Variants in DENND1A observed in about 807,000 individuals in gnomAD.
The protein encoded by DENND1A is DENN domain-containing protein 1A.
A neutral mutation model predicts 113.7 loss-of-function variants in DENND1A; 51 were observed. The observed-to-expected ratio is 0.45, with a 90% confidence interval of 0.36 to 0.57. The LOEUF (loss-of-function observed/expected upper bound fraction) is 0.57, where lower values mean the gene tolerates loss of function less well. DENND1A is among the 20% of genes least tolerant of loss of function. The pLI is 0.00. For missense variants in DENND1A, 1,258 were observed against 1,395.9 expected, an observed-to-expected ratio of 0.90 and a Z score of 1.57; for synonymous variants, 565 against 570.8, an observed-to-expected ratio of 0.99 and a Z score of 0.14.
chr9:123,581,299 T>A (rs1338337501), intron 12 of DENND1A, among the ~76,000 whole-genome samples: 1 of 152,048 alleles, frequency 6.6e-6, no homozygotes, highest in Middle Eastern at 3.2e-3. Context: ...CACAAATGAC[T>A]CCCCCAAAAT....
chr9:123,382,599 C>A lies in DENND1A; in HGVS notation c.2046G>T (p.Arg682Ser). ...YQRLDLGGSE[R>S]SRGVTVALKL... Reference sequence around the variant, plus strand: ...TCAAGGCCACTGTCACCCCGCGGCTCCTCTCACTCCCGCCCAGATCCAGCC... The same window carrying A: ...TCAAGGCCACTGTCACCCCGCGGCTACTCTCACTCCCGCCCAGATCCAGCC... Residue 682 changes from arginine (R) to serine (S), a missense_variant, in exon 24 of 24, where the codon AGG becomes AGT. Arg to Ser is a moderately radical substitution (Grantham distance 110, BLOSUM62 -1). Coordinates refer to ENST00000394215, the MANE Select transcript of DENND1A (RefSeq NM_001352964.2). 1 of 1,613,976 alleles carries A rather than the reference C, an allele frequency of 6.2e-7. No homozygotes were observed. Among genetic ancestry groups the A allele is most frequent in the South Asian group, 1.1e-5 (1 of 91,082 alleles).
intron 5 of DENND1A, among the ~76,000 whole-genome samples, chr9:123,733,743 G>A (rs2068358135): frequency 1.3e-5 from 2 of 149,920 alleles, no homozygotes; most frequent in Non-Finnish European, 3.0e-5. Flanking sequence ...TTGGCTCACT[G>A]CAACCTCCAT....
intron 13 of DENND1A, among the ~76,000 whole-genome samples, chr9:123,524,199 G>T (rs759480229): frequency 3.9e-5 from 6 of 152,192 alleles, no homozygotes; most frequent in Non-Finnish European, 8.8e-5. Flanking sequence ...GCTTCCTCTG[G>T]ATGCTCAGAG....
chr9:123,630,541 C>T, intron 9 of DENND1A, 65 bp from the exon 10 acceptor site: 1 of 1,099,268 alleles, frequency 9.1e-7, no homozygotes, highest in Non-Finnish European at 1.3e-6. Flanking sequence ...CATTTGATTT[C>T]AGCAATACAA....
chr9:123,475,588 C>T (rs1283066774), intron 13 of DENND1A, among the ~76,000 whole-genome samples: 1 of 152,226 alleles, frequency 6.6e-6, no homozygotes, highest in Non-Finnish European at 1.5e-5. Context: ...ATCCGAGGCC[C>T]CCCTGGCCTG....
In DENND1A at chr9:123,807,514, G is replaced by A. The variant is rs1008484599; in HGVS notation, c.89-14884C>T. Among the ~76,000 whole-genome samples, 10 of 152,074 alleles carry A rather than the reference G, an allele frequency of 6.6e-5. No homozygotes were observed. In the East Asian group the frequency reaches 1.7e-3, roughly 26 times the overall value. ...TTTCATTTAAGTACTTGTCTCCCCAGTAAGTAAAATAAGCCACTCCAATGA... is the reference window on the plus strand; with the variant it reads ...TTTCATTTAAGTACTTGTCTCCCCAATAAGTAAAATAAGCCACTCCAATGA... On this transcript the variant is annotated intron_variant, in intron 2 of 23. Transcript: ENST00000394215.
chr9:123,725,052 A>G (rs2067603527), intron 5 of DENND1A, among the ~76,000 whole-genome samples: 1 of 152,254 alleles, frequency 6.6e-6, no homozygotes, highest in Non-Finnish European at 1.5e-5. Flanking sequence ...ATCTGTTTCA[A>G]TGAGTTCTAA....
chr9:123,608,097 G>C (rs2137662144), intron 11 of DENND1A, among the ~76,000 whole-genome samples: 1 of 152,238 alleles, frequency 6.6e-6, no homozygotes, highest in Non-Finnish European at 1.5e-5. Flanking sequence ...CATCATCCCA[G>C]ATAGTCCATA....
chr9:123,626,726 G>A (rs1272226344), intron 10 of DENND1A, among the ~76,000 whole-genome samples: 4 of 152,214 alleles, frequency 2.6e-5, no homozygotes, highest in African/African-American at 9.7e-5. Context: ...TGGCTCAGAA[G>A]CTCAAGCACA....
At chr9:123,695,132 G>A (rs1201763588) in intron 5 of DENND1A, among the ~76,000 whole-genome samples, 1 of 151,954 alleles carries the variant, frequency 6.6e-6, no homozygotes, top group Non-Finnish European at 1.5e-5. Context: ...ACTCGGACTG[G>A]CTCTCCTTGC....
At chr9:123,666,972 G>T in intron 8 of DENND1A, 54 bp downstream of exon 8, 2 of 1,439,654 alleles carry the variant, frequency 1.4e-6, no homozygotes, top group Non-Finnish European at 1.9e-6. Context: ...AAACAAATAG[G>T]CAGAAAACAG....
intron 19 of DENND1A, among the ~76,000 whole-genome samples, chr9:123,431,910 G>T (rs1490861292): frequency 6.6e-6 from 1 of 152,188 alleles, no homozygotes; most frequent in African/African-American, 2.4e-5. Flanking sequence ...TGGAGGGGTG[G>T]ACTAAGCTTG....
At chr9:123,810,915 C>A (rs959465138) in intron 2 of DENND1A, among the ~76,000 whole-genome samples, 1 of 152,088 alleles carries the variant, frequency 6.6e-6, no homozygotes, top group South Asian at 2.1e-4. Context: ...CCTACCACCA[C>A]GCCCGGCTAA....
intron 1 of DENND1A, among the ~76,000 whole-genome samples, chr9:123,905,401 C>T (rs1274859924): frequency 2.0e-5 from 3 of 147,594 alleles, no homozygotes; most frequent in African/African-American, 7.7e-5. Context: ...AATTAAAAGA[C>T]ACAGACTGGC....
rs190361889 is a variant in DENND1A, at chr9:123,744,261, T to A, written c.302+13442A>T. 1.5e-4 allele frequency among the ~76,000 whole-genome samples: 23 copies of A among 152,310 alleles called. 1 individual carries two copies. The highest frequency in any genetic ancestry group is 1.1e-3 in the Admixed American group (17 of 15,298). ...TACTTTTTACAAAATGGAGATCACA[T>A]CACATATAAAAATTTGTCTCTTGCT... On this transcript the variant is annotated intron_variant, in intron 5 of 23. Transcript: ENST00000394215.
chr9:123,762,295 C>G (rs1393989545), intron 4 of DENND1A, among the ~76,000 whole-genome samples: 1 of 152,242 alleles, frequency 6.6e-6, no homozygotes, highest in Non-Finnish European at 1.5e-5. Context: ...CCAGCCTTAG[C>G]TGTGCTTCTT....
chr9:123,793,135 T>C (rs1222087955), intron 2 of DENND1A, among the ~76,000 whole-genome samples: 4 of 152,178 alleles, frequency 2.6e-5, no homozygotes, highest in East Asian at 1.9e-4. Flanking sequence ...TACACTCTTA[T>C]GAAAATGCAG....
intron 19 of DENND1A, among the ~76,000 whole-genome samples, chr9:123,434,273 T>C (rs1316431872): frequency 1.3e-5 from 2 of 152,340 alleles, no homozygotes; most frequent in East Asian, 3.9e-4. Flanking sequence ...GTGATCCACC[T>C]GCCTTGGCCT....
intron 9 of DENND1A, among the ~76,000 whole-genome samples, chr9:123,643,549 G>C (rs941698095): frequency 7.2e-5 from 11 of 152,216 alleles, no homozygotes; most frequent in Admixed American, 1.3e-4. Flanking sequence ...ATGAACCCTG[G>C]AAGGTTCTTT....
Sources: allele counts gnomAD v4.1 joint callset (sites outside exome capture counted in the v4.1 genomes callset), GRCh38; gene constraint gnomAD v4.1.1; transcripts MANE v1.5; gene names NCBI Gene and HGNC (gene_info 2026-07-23, HGNC 2026-07-21).